NOX1: variants seen among roughly 807,000 people sequenced by gnomAD.
NOX1 encodes the protein NADPH oxidase 1.
Under a neutral mutation model 42.5 loss-of-function variants are expected in NOX1, and 34 were observed. The observed-to-expected ratio is 0.80, with a 90% CI of 0.61 to 1.07. The LOEUF is 1.07. Among genes scored for constraint, NOX1 ranks in the 50% least tolerant of loss-of-function variants. The pLI is 0.00. For missense variants in NOX1, 408 were observed against 427.0 expected, an observed-to-expected ratio of 0.96 and a Z score of 0.39; for synonymous variants, 143 against 152.5, an observed-to-expected ratio of 0.94 and a Z score of 0.46.
intron 12 of NOX1, among the ~76,000 whole-genome samples, chrX:100,845,817 G>A (rs1250374394): frequency 1.7e-4 from 17 of 99,151 alleles, no homozygotes; most frequent in African/African-American, 6.0e-4. Flanking sequence ...ATGGAATCTC[G>A]CTGTCGCCCA....
At chrX:100,866,446 C>T (rs889214898) in intron 2 of NOX1, among the ~76,000 whole-genome samples, 5 of 108,010 alleles carry the variant, frequency 4.6e-5, no homozygotes, top group African/African-American at 1.0e-4. Flanking sequence ...ACAAAACCTG[C>T]GTGTCTGATA....
In NOX1 at chrX:100,855,589, C is replaced by T. The variant is rs745713537; in HGVS notation, c.805-4264G>A. 29 of 977,131 alleles carry T rather than the reference C, an allele frequency of 3.0e-5. No individual in the cohort carries two copies. The East Asian group carries it at 8.6e-4, about 29-fold the overall frequency. 80.5% of individuals were successfully genotyped at this position (977,131 alleles called of 1,213,427 possible). Reference sequence around the variant, plus strand: ...TAGCCACTGTCCTGATTTCCACAACCCTGTCCACCACTTCCATAGCCTCTG... The same window carrying T: ...TAGCCACTGTCCTGATTTCCACAACTCTGTCCACCACTTCCATAGCCTCTG... On this transcript the variant is annotated intron_variant, in intron 7 of 12. Transcript: ENST00000372966.
intron 1 of NOX1, 56 bp from the exon 2 acceptor site, chrX:100,870,870 G>A (rs1185849030): frequency 1.3e-6 from 1 of 750,119 alleles, no homozygotes; most frequent in South Asian, 2.3e-5. Context: ...GTATGGGAAG[G>A]AGTAAATAAG....
chrX:100,861,612 C>A (rs902983456), intron 7 of NOX1, among the ~76,000 whole-genome samples: 1 of 111,648 alleles, frequency 9.0e-6, no homozygotes, highest in Non-Finnish European at 1.9e-5. Context: ...CCAAAGAAAG[C>A]CCACTTCAAG....
chrX:100,854,033 C>T (rs2085150182), intron 7 of NOX1, among the ~76,000 whole-genome samples: 1 of 111,108 alleles, frequency 9.0e-6, no homozygotes, highest in Non-Finnish European at 1.9e-5. Context: ...GTCCCAGCTA[C>T]TTGGGAAGCT....
At position 100,848,657 on chromosome X, in the gene NOX1, A is replaced by G; in HGVS notation, c.1541T>C (p.Phe514Ser). 1 of 1,210,536 alleles carries G rather than the reference A, an allele frequency of 8.3e-7. No individual in the cohort carries two copies. Among genetic ancestry groups the G allele is most frequent in the Non-Finnish European group, 1.1e-6 (1 of 894,346 alleles). ...GGGGTGGGAGGTAGCTATTGTAGAA[A>G]ACTCATTGTCCCACATTGGTCTCCC... ...SFGRPMWDNE[F>S]STIATSHPKS... Residue 514 changes from phenylalanine to serine, a missense_variant, in exon 12 of 13, where the codon TTT becomes TCT. Coordinates refer to ENST00000372966, the MANE Select transcript of NOX1 (RefSeq NM_007052.5).
Position 100,862,525 on chromosome X carries a change from T to A in NOX1, c.538A>T (p.Ile180Phe). ...FTSIAGLTGV[I>F]MTIALILMVT... ...ATGAGAATCAAGGCTATTGTCATGATCACTCCAGTGAGACCAGCAATGCTG... is the reference window on the plus strand; with the variant it reads ...ATGAGAATCAAGGCTATTGTCATGAACACTCCAGTGAGACCAGCAATGCTG... Residue 180 changes from isoleucine (I) to phenylalanine (F), a missense_variant, in exon 6 of 13, where the codon ATC becomes TTC. By Grantham distance (21) the Ile-to-Phe change is conservative. Transcript: ENST00000372966. 8.3e-7 allele frequency: 1 copy of A among 1,210,985 alleles called. No individual in the cohort carries two copies. The highest frequency in any genetic ancestry group is 3.0e-5 in the East Asian group (1 of 33,852).
chrX:100,872,820 C>T (rs1032673398), intron 1 of NOX1, among the ~76,000 whole-genome samples: 8 of 110,252 alleles, frequency 7.3e-5, no homozygotes, highest in Non-Finnish European at 5.7e-5. Context: ...ATAATTTGAT[C>T]GAGATCACCC....
chrX:100,849,669 C>G, intron 10 of NOX1, 103 bp downstream of exon 10: 1 of 821,772 alleles, frequency 1.2e-6, no homozygotes, highest in Non-Finnish European at 1.7e-6. Flanking sequence ...TCTCATAACT[C>G]CAGGGATAGG....
At position 100,862,658 on chromosome X, in the gene NOX1, A is replaced by G; in HGVS notation, c.489+11T>C. 1.3e-5 allele frequency: 15 copies of G among 1,192,194 alleles called. No homozygotes were observed. The highest frequency in any genetic ancestry group is 1.6e-5 in the Non-Finnish European group (14 of 886,795). ...CCAGATCTCAGATGCTTTGCTAGAA[A>G]GTCAACTCACCGTGTTTCGGGACTG... On this transcript the variant is annotated intron_variant, in intron 5 of 12. Coordinates refer to ENST00000372966, the MANE Select transcript of NOX1 (RefSeq NM_007052.5).
At chrX:100,854,532 T>G (rs1437440785) in intron 7 of NOX1, among the ~76,000 whole-genome samples, 1 of 111,804 alleles carries the variant, frequency 8.9e-6, no homozygotes, top group Non-Finnish European at 1.9e-5. Context: ...TTAACCATCT[T>G]AGCTAGTAAG....
intron 12 of NOX1, among the ~76,000 whole-genome samples, chrX:100,846,894 G>A (rs993614036): frequency 1.1e-5 from 1 of 93,974 alleles, no homozygotes; most frequent in African/African-American, 4.0e-5. Flanking sequence ...GAAAGTGTCA[G>A]AACCAGAATA....
chrX:100,852,375 A>G (rs1328401292), intron 7 of NOX1, among the ~76,000 whole-genome samples: 1 of 111,520 alleles, frequency 9.0e-6, no homozygotes, highest in Non-Finnish European at 1.9e-5. Context: ...AGACTGAGGA[A>G]GGAGAATCAC....
chrX:100,866,488 C>CTGTGTG (rs36112590), intron 2 of NOX1, among the ~76,000 whole-genome samples: 1,315 of 96,680 alleles, frequency 0.014, 8 homozygotes, highest in South Asian at 0.059. Flanking sequence ...GTGTGTGTCC[C>CTGTGTG]TGTGTGTGTG....
Position 100,851,263 on chromosome X carries a change from G to A in NOX1, c.867C>T (p.Tyr289=). The change falls in exon 8 of 13, where the codon TAC becomes TAT. Residue 289 remains tyrosine, a synonymous_variant. Coordinates refer to ENST00000372966, the MANE Select transcript of NOX1 (RefSeq NM_007052.5). ...TAATCACAACCTTCTGCTGGGAGCG[G>A]TAAAACCGGAGGATCCTTTCACAGA... The part of the protein sequence containing the change: ...LYICERILRF[Y]RSQQKVVITK... The A allele has an allele frequency of 8.4e-7, 1 of 1,196,224 alleles. No homozygotes were observed. Among genetic ancestry groups the A allele is most frequent in the Middle Eastern group, 2.3e-4 (1 of 4,308 alleles).
intron 12 of NOX1, among the ~76,000 whole-genome samples, chrX:100,844,803 C>A (rs1341104155): frequency 8.9e-6 from 1 of 111,873 alleles, no homozygotes; most frequent in African/African-American, 3.3e-5. Context: ...ATAGTACTTA[C>A]CACATAGGGT....
intron 2 of NOX1, among the ~76,000 whole-genome samples, chrX:100,864,585 A>C (rs1389210311): frequency 8.9e-6 from 1 of 112,151 alleles, no homozygotes; most frequent in Non-Finnish European, 1.9e-5. Context: ...TTGGGTGGCC[A>C]GGCAGCATAA....
chrX:100,866,168 G>A (rs1337544111), intron 2 of NOX1, among the ~76,000 whole-genome samples: 4 of 107,633 alleles, frequency 3.7e-5, no homozygotes, highest in Non-Finnish European at 5.7e-5. Context: ...GTTGCAGTGA[G>A]CAGAGATTGC....
chrX:100,862,358 C>G (rs370141889), intron 6 of NOX1, 34 bp downstream of exon 6: 138 of 1,207,159 alleles, frequency 1.1e-4, no homozygotes, highest in Non-Finnish European at 1.5e-4. Flanking sequence ...AGGTCAGGGG[C>G]TGGGGCATGA....
Sources: allele counts gnomAD v4.1 joint callset (sites outside exome capture counted in the v4.1 genomes callset), GRCh38; gene constraint gnomAD v4.1.1; transcripts MANE v1.5; gene names NCBI Gene and HGNC (gene_info 2026-07-23, HGNC 2026-07-21).